GRM5: variants seen among roughly 807,000 people sequenced by gnomAD.
GRM5 encodes the protein glutamate metabotropic receptor 5.
A neutral mutation model predicts 83.1 loss-of-function variants in GRM5; 19 were observed. The observed-to-expected ratio is 0.23, with a 90% CI of 0.16 to 0.34. The LOEUF is 0.34. Ranked by LOEUF, GRM5 falls within the 10% of genes least tolerant of loss-of-function variation. The pLI, the probability that GRM5 is intolerant of heterozygous loss-of-function variation, is 1.00. For missense variants in GRM5, 1,160 were observed against 1,588.3 expected (o/e 0.73, Z 4.58); for synonymous variants, 675 against 633.6 (o/e 1.07, Z -0.98).
intron 2 of GRM5, among the ~76,000 whole-genome samples, chr11:88,985,238 C>T (rs1939665714): frequency 2.6e-5 from 4 of 152,094 alleles, no homozygotes; most frequent in South Asian, 4.1e-4. Flanking sequence ...CATGCTCCTA[C>T]ATATATAACC....
intron 3 of GRM5, among the ~76,000 whole-genome samples, chr11:88,716,658 C>T (rs1022323515): frequency 1.3e-5 from 2 of 151,920 alleles, no homozygotes; most frequent in Non-Finnish European, 2.9e-5. Flanking sequence ...TGTAAAGTGG[C>T]TTGCATGTTA....
intron 2 of GRM5, among the ~76,000 whole-genome samples, chr11:88,927,946 C>A (rs1234946936): frequency 3.9e-5 from 6 of 152,050 alleles, no homozygotes; most frequent in Middle Eastern, 3.2e-3. Flanking sequence ...AAAGCCCCCC[C>A]AGTCACTTAA....
chr11:88,938,773 T>G (rs1252332139), intron 2 of GRM5, among the ~76,000 whole-genome samples: 1 of 151,706 alleles, frequency 6.6e-6, no homozygotes, highest in African/African-American at 2.4e-5. Flanking sequence ...TAACGAATAT[T>G]AAAATTGGAT....
intron 3 of GRM5, among the ~76,000 whole-genome samples, chr11:88,833,384 G>A (rs1021273739): frequency 2.0e-5 from 3 of 152,078 alleles, no homozygotes; most frequent in African/African-American, 7.2e-5. Context: ...ATGAAGGAAT[G>A]CTCCACATCA....
chr11:89,012,690 C>T (rs144681006), intron 2 of GRM5, among the ~76,000 whole-genome samples: 3 of 152,224 alleles, frequency 2.0e-5, no homozygotes, highest in South Asian at 2.1e-4. Context: ...TTAAAGCTCT[C>T]GCAAAATTGA....
At chr11:88,993,795 C>T (rs1180409395) in intron 2 of GRM5, among the ~76,000 whole-genome samples, 4 of 152,198 alleles carry the variant, frequency 2.6e-5, no homozygotes, top group Middle Eastern at 3.4e-3. Context: ...AATCATGGCT[C>T]GCTGTAGCCC....
At chr11:88,580,393 T>G (rs1943195626) in intron 7 of GRM5, among the ~76,000 whole-genome samples, 1 of 152,242 alleles carries the variant, frequency 6.6e-6, no homozygotes, top group African/African-American at 2.4e-5. Context: ...CACTGAGCTC[T>G]GGAGCACTTC....
At chr11:88,698,662 C>A (rs899885950) in intron 3 of GRM5, among the ~76,000 whole-genome samples, 12 of 152,038 alleles carry the variant, frequency 7.9e-5, no homozygotes, top group African/African-American at 9.7e-5. Context: ...CAGCTGAGTC[C>A]CCTGTGTGGC....
chr11:88,774,461 C>T (rs928507744), intron 3 of GRM5, among the ~76,000 whole-genome samples: 1 of 152,164 alleles, frequency 6.6e-6, no homozygotes, highest in African/African-American at 2.4e-5. Context: ...TGCCTGATTG[C>T]CCTGGCCAGA....
intron 3 of GRM5, among the ~76,000 whole-genome samples, chr11:88,795,899 C>T (rs143982962): frequency 6.6e-6 from 1 of 152,168 alleles, no homozygotes; most frequent in East Asian, 1.9e-4. Context: ...ATTTTAGAAG[C>T]TTTCTTGATA....
intron 3 of GRM5, among the ~76,000 whole-genome samples, chr11:88,749,301 A>G (rs982450696): frequency 2.0e-5 from 3 of 152,240 alleles, no homozygotes; most frequent in Admixed American, 2.0e-4. Context: ...CGCACTCACA[A>G]GTATCAATAG....
chr11:88,648,002 C>A (rs1939511617), intron 4 of GRM5, among the ~76,000 whole-genome samples: 1 of 150,972 alleles, frequency 6.6e-6, no homozygotes, highest in African/African-American at 2.4e-5. Context: ...AGTCAGGAAA[C>A]AACAGGTGCT....
chr11:88,850,382 A>T (rs1944369877), intron 2 of GRM5, among the ~76,000 whole-genome samples: 1 of 152,148 alleles, frequency 6.6e-6, no homozygotes, highest in African/African-American at 2.4e-5. Flanking sequence ...ACTGTGATGG[A>T]GAGAATAATA....
At chr11:88,981,595 A>G (rs1939525477) in intron 2 of GRM5, among the ~76,000 whole-genome samples, 1 of 152,182 alleles carries the variant, frequency 6.6e-6, no homozygotes, top group Non-Finnish European at 1.5e-5. Context: ...TTAGTCAGAA[A>G]TAGTATACAC....
intron 3 of GRM5, among the ~76,000 whole-genome samples, chr11:88,815,932 G>A (rs755183610): frequency 3.4e-4 from 50 of 147,252 alleles, no homozygotes; most frequent in Non-Finnish European, 6.5e-4. Context: ...TGGAAACAGA[G>A]GCCGGGCGCG....
intron 2 of GRM5, among the ~76,000 whole-genome samples, chr11:88,945,802 A>G (rs1184115931): frequency 2.6e-5 from 4 of 152,108 alleles, no homozygotes; most frequent in African/African-American, 9.7e-5. Flanking sequence ...AGCCTAGAAC[A>G]AACCGTTCTG....
At chr11:88,720,601 C>T (rs1182546127) in intron 3 of GRM5, among the ~76,000 whole-genome samples, 4 of 152,042 alleles carry the variant, frequency 2.6e-5, no homozygotes, top group Non-Finnish European at 5.9e-5. Context: ...CAGAAAAAAA[C>T]AGCTACTGGC....
intron 3 of GRM5, among the ~76,000 whole-genome samples, chr11:88,800,712 A>T (rs1298089636): frequency 6.6e-6 from 1 of 152,144 alleles, no homozygotes; most frequent in African/African-American, 2.4e-5. Flanking sequence ...ACCTGGATTT[A>T]AGTCCCTCCT....
chr11:88,894,034 A>G (rs570831355), intron 2 of GRM5, among the ~76,000 whole-genome samples: 45 of 152,118 alleles, frequency 3.0e-4, no homozygotes, highest in Middle Eastern at 6.8e-3. Flanking sequence ...GGGAGTTTGC[A>G]TCGGTGAATG....
Sources: allele counts gnomAD v4.1 joint callset (sites outside exome capture counted in the v4.1 genomes callset), GRCh38; gene constraint gnomAD v4.1.1; transcripts MANE v1.5; gene names NCBI Gene and HGNC (gene_info 2026-07-23, HGNC 2026-07-21).